DIP2C: variants seen among roughly 807,000 people sequenced by gnomAD.
The protein encoded by DIP2C is DIP2 acetate--CoA ligase C (putative), also known as disco-interacting protein 2 homolog C.
Under a neutral mutation model 192.4 loss-of-function variants are expected in DIP2C, and 33 were observed. The observed-to-expected ratio is 0.17, with a 90% CI of 0.13 to 0.23. The LOEUF (loss-of-function observed/expected upper bound fraction) is 0.23. Among genes scored for constraint, DIP2C ranks in the 10% least tolerant of loss-of-function variants. DIP2C has a pLI of 1.00. For synonymous variants in DIP2C, 979 were observed against 864.1 expected (o/e 1.13, Z -2.33); for missense variants, 1,537 against 2,110.1 (o/e 0.73, Z 5.32).
At chr10:589,820 C>T (rs901335987) in intron 1 of DIP2C, among the ~76,000 whole-genome samples, 1 of 152,192 alleles carries the variant, frequency 6.6e-6, no homozygotes, top group Admixed American at 6.5e-5. Context: ...GAAACCTTAA[C>T]ACACAAGGGG....
At chr10:608,172 CCA>C (rs1253772265) in intron 1 of DIP2C, among the ~76,000 whole-genome samples, 2 of 47,232 alleles carry the variant, frequency 4.2e-5, no homozygotes, top group South Asian at 8.5e-4. Context: ...ACAGCCCCCC[CCA>C]CACACACCCC....
chr10:525,700 A>C (rs1203125393), intron 1 of DIP2C, among the ~76,000 whole-genome samples: 3 of 152,126 alleles, frequency 2.0e-5, no homozygotes, highest in Non-Finnish European at 4.4e-5. Context: ...TAGGTGGAGA[A>C]AGGAAGACAG....
At chr10:527,527 A>T (rs574323362) in intron 1 of DIP2C, among the ~76,000 whole-genome samples, 1 of 152,262 alleles carries the variant, frequency 6.6e-6, no homozygotes, top group Non-Finnish European at 1.5e-5. Context: ...AGTAGCAGCA[A>T]GAGTTTGTTG....
At chr10:441,022 C>T (rs778520915) in intron 3 of DIP2C, 26 bp from the exon 4 acceptor site, 3 of 1,603,298 alleles carry the variant, frequency 1.9e-6, no homozygotes, top group Admixed American at 3.4e-5. Flanking sequence ...CTCAGTCACT[C>T]AGTGCTCAGC....
chr10:387,244 A>AT (rs2132923690), intron 14 of DIP2C, among the ~76,000 whole-genome samples: 1 of 152,288 alleles, frequency 6.6e-6, no homozygotes, highest in African/African-American at 2.4e-5. Flanking sequence ...TGTAACCTCA[A>AT]TCCACGTGTC....
intron 1 of DIP2C, among the ~76,000 whole-genome samples, chr10:517,601 A>C (rs1379318162): frequency 6.6e-6 from 1 of 152,234 alleles, no homozygotes; most frequent in Non-Finnish European, 1.5e-5. Context: ...GAAGAAAAGA[A>C]GGCACCATAT....
chr10:334,916 G>A (rs1320374247), intron 29 of DIP2C, among the ~76,000 whole-genome samples: 1 of 152,056 alleles, frequency 6.6e-6, no homozygotes, highest in Non-Finnish European at 1.5e-5. Context: ...TCACTATTGT[G>A]GGTCCTTTAT....
intron 32 of DIP2C, among the ~76,000 whole-genome samples, chr10:309,188 A>G (rs1459210365): frequency 1.3e-5 from 2 of 152,120 alleles, no homozygotes; most frequent in Non-Finnish European, 2.9e-5. Context: ...CCTCTCTGGC[A>G]TCTTAGTGGG....
intron 1 of DIP2C, among the ~76,000 whole-genome samples, chr10:660,355 G>A (rs573991349): frequency 6.6e-6 from 1 of 150,424 alleles, no homozygotes; most frequent in Admixed American, 6.6e-5. Context: ...CCTAGCCCTT[G>A]TCCCTGTTTC....
rs549081243 is a variant in DIP2C, at chr10:276,728, C to T, written c.*597G>A. On this transcript the variant is annotated 3_prime_UTR_variant, in exon 37 of 37. Coordinates refer to ENST00000280886, the MANE Select transcript of DIP2C (RefSeq NM_014974.3). ...CTCATTCTATACTAACTTCGAAGGCCGTATACCAGCCTTTGTTTCTTCAGC... is the reference window on the plus strand; with the variant it reads ...CTCATTCTATACTAACTTCGAAGGCTGTATACCAGCCTTTGTTTCTTCAGC... 4 of 153,038 alleles carry T rather than the reference C, an allele frequency of 2.6e-5. No homozygotes were observed. The highest frequency in any genetic ancestry group is 7.2e-5 in the African/African-American group (3 of 41,548). The allele number at this position is 153,038 out of a possible 1,614,324, so 9.5% of individuals were successfully genotyped here. A position where few individuals can be genotyped will look rare whatever the true frequency, so the allele number is the denominator to read the frequency against.
intron 8 of DIP2C, 33 bp downstream of exon 8, chr10:413,880 G>A (rs61837163): frequency 0.023 from 37,252 of 1,600,520 alleles, 640 homozygotes; most frequent in African/African-American, 0.086. Flanking sequence ...GCGAGGGGGT[G>A]GGCAAAGGGC....
At chr10:630,079 C>T (rs1273877243) in intron 1 of DIP2C, 1 of 152,214 alleles carries the variant, frequency 6.6e-6, no homozygotes, top group Non-Finnish European at 1.5e-5. Context: ...AACTCATCTC[C>T]ACACTCACTT....
chr10:672,082 C>G (rs1164343390), intron 1 of DIP2C, among the ~76,000 whole-genome samples: 1 of 151,402 alleles, frequency 6.6e-6, no homozygotes, highest in Admixed American at 6.6e-5. Flanking sequence ...GCCACAGACG[C>G]ACGGACGGAG....
rs1405478302 is a variant in DIP2C at position 276,165 on chromosome 10, T to TA, written c.*1159dup. 1.3e-5 allele frequency: 2 copies of TA among 152,678 alleles called. No homozygotes were observed. Among genetic ancestry groups the TA allele is most frequent in the Non-Finnish European group, 2.9e-5 (2 of 68,046 alleles). The allele number at this position is 152,678 out of a possible 1,614,324, so 9.5% of individuals were successfully genotyped here. Reference sequence around the variant, plus strand: ...AAGAAAACAGTGCTATTTGCCAACCTAAAGCCCCTCAGTATCATCAGCACA... The same window carrying TA: ...AAGAAAACAGTGCTATTTGCCAACCTAAAAGCCCCTCAGTATCATCAGCACA... On this transcript the variant is annotated 3_prime_UTR_variant, in exon 37 of 37. Coordinates refer to ENST00000280886, the MANE Select transcript of DIP2C (RefSeq NM_014974.3).
intron 2 of DIP2C, among the ~76,000 whole-genome samples, chr10:476,271 T>C (rs901114757): frequency 6.6e-6 from 1 of 152,122 alleles, no homozygotes; most frequent in Admixed American, 6.5e-5. Flanking sequence ...TCAGCTATCA[T>C]GCATTGGCCA....
chr10:316,619 G>A (rs200542438), intron 31 of DIP2C, among the ~76,000 whole-genome samples: 139 of 152,326 alleles, frequency 9.1e-4, no homozygotes, highest in East Asian at 1.4e-3. Context: ...CTGCCCTGGA[G>A]GGTAGCCAGG....
intron 2 of DIP2C, among the ~76,000 whole-genome samples, chr10:486,073 C>A (rs1206648722): frequency 7.2e-5 from 11 of 152,264 alleles, no homozygotes; most frequent in Admixed American, 7.2e-4. Context: ...TATCACAGCA[C>A]TGTCTAGATT....
At chr10:504,468 T>C (rs533889742) in intron 1 of DIP2C, among the ~76,000 whole-genome samples, 3 of 152,304 alleles carry the variant, frequency 2.0e-5, no homozygotes, top group African/African-American at 7.2e-5. Flanking sequence ...GTGTGATCCC[T>C]AGCACAGCCA....
At chr10:538,825 T>C (rs1196269820) in intron 1 of DIP2C, among the ~76,000 whole-genome samples, 1 of 152,224 alleles carries the variant, frequency 6.6e-6, no homozygotes, top group Non-Finnish European at 1.5e-5. Flanking sequence ...AAGCACTGGG[T>C]AATATGACTT....
Sources: gnomAD v4.1 joint callset for allele counts (sites outside exome capture counted in the v4.1 genomes callset) on GRCh38, gnomAD v4.1.1 for gene constraint, MANE v1.5 for transcripts, NCBI Gene and HGNC (gene_info 2026-07-23, HGNC 2026-07-21) for gene names.